SPG11: variants seen among roughly 807,000 people sequenced by gnomAD.
The protein encoded by SPG11 is SPG11 vesicle trafficking associated, spatacsin.
A neutral mutation model predicts 274.0 loss-of-function variants in SPG11; 222 were observed. The ratio of observed to expected loss-of-function variants is 0.81; its 90% CI spans 0.73 to 0.91. The LOEUF (loss-of-function observed/expected upper bound fraction) is 0.91. SPG11 is among the 40% of genes least tolerant of loss of function. The pLI is 0.00. For missense variants in SPG11, 3,114 were observed against 2,872.7 expected, an observed-to-expected ratio of 1.08 and a Z score of -1.92; for synonymous variants, 1,144 against 1,039.7, an observed-to-expected ratio of 1.10 and a Z score of -1.93.
At chr15:44,647,199 T>C (rs1479934884) in intron 7 of SPG11, among the ~76,000 whole-genome samples, 2 of 152,136 alleles carry the variant, frequency 1.3e-5, no homozygotes, top group African/African-American at 4.8e-5. Flanking sequence ...ATTAGGAAAA[T>C]ACAAATGAAA....
At position 44,589,405 on chromosome 15, in the gene SPG11, C is replaced by A. The variant is rs1567143067; in HGVS notation, c.4753G>T (p.Ala1585Ser). 1.2e-6 allele frequency: 2 copies of A among 1,613,908 alleles called. No homozygotes were observed. The highest frequency in any genetic ancestry group is 1.7e-6 in the Non-Finnish European group (2 of 1,179,918). Residue 1585 changes from alanine (A) to serine (S), a missense_variant, in exon 28 of 40, where the codon GCA becomes TCA. Coordinates refer to ENST00000261866, the MANE Select transcript of SPG11 (RefSeq NM_025137.4). ...ATGACAGGGTGGACCTTTGTGGCTG[C>A]TGTGTTAAGCTATGAAAGAAAAAGA... ...FQKSLETLNT[A>S]ATKVHPVIPA... is the part of the protein sequence containing the mutation.
chr15:44,583,700 G>T, intron 30 of SPG11, 114 bp downstream of exon 30: 1 of 1,405,112 alleles, frequency 7.1e-7, no homozygotes, highest in South Asian at 1.2e-5. Flanking sequence ...CTGGAAAAAA[G>T]TTGTTGTCCC....
At chr15:44,620,011 TGG>T (rs892322206) in intron 15 of SPG11, 177 bp downstream of exon 15, 1 of 619,056 alleles carries the variant, frequency 1.6e-6, no homozygotes, top group African/African-American at 1.8e-5. Flanking sequence ...CCACCGCACT[TGG>T]CCAAATGAGT....
intron 7 of SPG11, among the ~76,000 whole-genome samples, chr15:44,641,796 G>A (rs1236088134): frequency 6.6e-6 from 1 of 151,758 alleles, no homozygotes; most frequent in Non-Finnish European, 1.5e-5. Context: ...GAAAACTAGA[G>A]TATTATCAAT....
chr15:44,635,131 G>A (rs922261446), intron 7 of SPG11, among the ~76,000 whole-genome samples: 1 of 151,946 alleles, frequency 6.6e-6, no homozygotes, highest in African/African-American at 2.4e-5. Flanking sequence ...CAGGAGAATC[G>A]CTGGAACCCG....
At chr15:44,566,040 A>AG (rs1230530621) in intron 37 of SPG11, 31 bp from the exon 38 acceptor site, 1 of 1,612,852 alleles carries the variant, frequency 6.2e-7, no homozygotes, top group Admixed American at 1.7e-5. Context: ...GGCACAGTAG[A>AG]GAAAGACCTA....
chr15:44,590,049 C>T (rs1405461647), intron 27 of SPG11, among the ~76,000 whole-genome samples: 4 of 152,298 alleles, frequency 2.6e-5, no homozygotes, highest in South Asian at 2.1e-4. Flanking sequence ...CCTGATGATC[C>T]GCCTGCCTTG....
chr15:44,595,947 T>G (rs1201998666), intron 25 of SPG11, 136 bp downstream of exon 25: 1 of 1,170,360 alleles, frequency 8.5e-7, no homozygotes, highest in African/African-American at 1.5e-5. Context: ...GCACAAAATG[T>G]TGCAGTGAAC....
At chr15:44,659,030 G>C in intron 3 of SPG11, 49 bp downstream of exon 3, 1 of 1,558,624 alleles carries the variant, frequency 6.4e-7, no homozygotes, top group Non-Finnish European at 8.8e-7. Context: ...ATCTTTATAG[G>C]TGTTCTTCTC....
At chr15:44,629,165 T>C in intron 9 of SPG11, 68 bp downstream of exon 9, 4 of 1,547,602 alleles carry the variant, frequency 2.6e-6, no homozygotes, top group Non-Finnish European at 3.6e-6. Flanking sequence ...TGTCACCCAA[T>C]AGCAGCACTT....
intron 6 of SPG11, 109 bp from the exon 7 acceptor site, chr15:44,649,120 T>C: frequency 1.2e-6 from 1 of 828,792 alleles, no homozygotes. Flanking sequence ...ATTACAAATA[T>C]ATTTATATTT....
rs2084771878 is a variant in SPG11 at position 44,651,427 on chromosome 15, T to TA, written c.1456+63dup. On this transcript the variant is annotated intron_variant, in intron 6 of 39. Coordinates refer to ENST00000261866, the MANE Select transcript of SPG11 (RefSeq NM_025137.4). ...GCAAGAGCAGGCACTGAGGCAGAAGTAAAATACAGTAGGAAAGCATACATC... is the reference window on the plus strand; with the variant it reads ...GCAAGAGCAGGCACTGAGGCAGAAGTAAAAATACAGTAGGAAAGCATACATC... 2.1e-6 allele frequency: 3 copies of TA among 1,439,516 alleles called. No individual in the cohort carries two copies. In the South Asian group the frequency reaches 3.5e-5, roughly 17 times the overall value. 89.2% of individuals were successfully genotyped at this position (1,439,516 alleles called of 1,614,324 possible). A position where few individuals can be genotyped will look rare whatever the true frequency, so the allele number is the denominator to read the frequency against.
rs2082707991 is a variant in SPG11 at position 44,584,061 on chromosome 15, T to C, written c.5619A>G (p.Lys1873=). The C allele has an allele frequency of 6.2e-7, 1 of 1,614,264 alleles. No individual in the cohort carries two copies. The highest frequency in any genetic ancestry group is 8.5e-7 in the Non-Finnish European group (1 of 1,180,046). ...KETCENRLDW[K]EQESLNFLIG... is the part of the protein sequence containing the mutation. ...TCAAAAAGTTTAGTGACTCCTGCTC[T>C]TTCCAATCCAATCTATTCTCGCATG... The change falls in exon 30 of 40, where the codon AAA becomes AAG. Residue 1873 remains lysine, a synonymous_variant. Coordinates refer to ENST00000261866, the MANE Select transcript of SPG11 (RefSeq NM_025137.4).
intron 28 of SPG11, chr15:44,588,456 G>A (rs2082823758): frequency 6.5e-6 from 1 of 154,546 alleles, no homozygotes. Flanking sequence ...AGGGTGGTGG[G>A]AAAAATTGTA....
Position 44,589,410 on chromosome 15 carries a change from T to G in SPG11, c.4748A>C (p.Asn1583Thr), listed in dbSNP as rs1005256323. Reference sequence around the variant, plus strand: ...AGGGTGGACCTTTGTGGCTGCTGTGTTAAGCTATGAAAGAAAAAGAGAAGC... The same window carrying G: ...AGGGTGGACCTTTGTGGCTGCTGTGGTAAGCTATGAAAGAAAAAGAGAAGC... ...LEFQKSLETL[N>T]TAATKVHPVI... Residue 1583 changes from asparagine to threonine, a missense_variant, in exon 28 of 40, where the codon AAC becomes ACC. Coordinates refer to ENST00000261866, the MANE Select transcript of SPG11 (RefSeq NM_025137.4). 6.2e-7 allele frequency: 1 copy of G among 1,613,986 alleles called. No individual in the cohort carries two copies. The highest frequency in any genetic ancestry group is 1.3e-5 in the African/African-American group (1 of 74,944).
Position 44,598,280 on chromosome 15 carries a change from T to C in SPG11, c.3986A>G (p.Gln1329Arg), listed in dbSNP as rs2140976920. ...LEEGTWNSIQQQEIKRLSSES... is the reference protein window; with the variant it reads ...LEEGTWNSIQRQEIKRLSSES... ...ACTCACAAACCTCTTTATTTCCTGT[T>C]GCTGAATGCTGTTCCATGTACCTTC... The change falls in exon 23 of 40, where the codon CAA (glutamine) becomes CGA (arginine). Residue 1329 changes from glutamine to arginine, a missense_variant. Transcript: ENST00000261866. 2 of 1,613,590 alleles carry C rather than the reference T, an allele frequency of 1.2e-6. No individual in the cohort carries two copies. The highest frequency in any genetic ancestry group is 1.7e-6 in the Non-Finnish European group (2 of 1,179,502).
rs1186320389 is a variant in SPG11 at position 44,652,255 on chromosome 15, C to A, written c.881G>T (p.Gly294Val). Residue 294 changes from glycine to valine, a missense_variant, in exon 5 of 40, where the codon GGA (glycine) becomes GTA (valine). Gly to Val is a moderately radical substitution (Grantham distance 109). Transcript: ENST00000261866. ...NLNLYFRQHP[G>V]HLLCERILED... is the part of the protein sequence containing the mutation. ...TAGTATTCTTTCACACAGTAGGTGT[C>A]CTGGGTGTTGCCTACATTTAAAAAT... 1.9e-6 allele frequency: 3 copies of A among 1,614,038 alleles called. No homozygotes were observed. In the Admixed American group the frequency reaches 5.0e-5, roughly 27 times the overall value.
chr15:44,570,591 T>TC lies in SPG11; in HGVS notation c.6410dup (p.Val2138SerfsTer11). On this transcript the variant is annotated frameshift_variant, in exon 34 of 40. Coordinates refer to ENST00000261866, the MANE Select transcript of SPG11 (RefSeq NM_025137.4). LOFTEE classifies it high-confidence loss of function. ...TGAGCATGTGGGCGGCCTGTAGGAC[T>TC]CGGATGATGCCCTCCATGTGGCACG... 6.2e-7 allele frequency: 1 copy of TC among 1,614,126 alleles called. No homozygotes were observed. Among genetic ancestry groups the TC allele is most frequent in the Non-Finnish European group, 8.5e-7 (1 of 1,179,988 alleles).
chr15:44,663,582 C>T lies in SPG11; in HGVS notation c.66G>A (p.Met22Ile), dbSNP rs1168936368. ...CCAACAGCATCGGTAGAACCCGCCCCATGGCCGCGGTGCCCCAGCTACCGC... is the reference window on the plus strand; with the variant it reads ...CCAACAGCATCGGTAGAACCCGCCCTATGGCCGCGGTGCCCCAGCTACCGC... ...SAGGSWGTAA[M>I]GRVLPMLLVP... is the part of the protein sequence containing the mutation. The change falls in exon 1 of 40, where the codon ATG (methionine) becomes ATA (isoleucine). Residue 22 changes from methionine to isoleucine, a missense_variant. By Grantham distance (10) the Met-to-Ile change is conservative. Coordinates refer to ENST00000261866, the MANE Select transcript of SPG11 (RefSeq NM_025137.4). 1.5e-5 allele frequency: 24 copies of T among 1,596,808 alleles called. No individual in the cohort carries two copies. The highest frequency in any genetic ancestry group is 2.0e-5 in the Non-Finnish European group (23 of 1,174,380).
Sources: allele counts gnomAD v4.1 joint callset (sites outside exome capture counted in the v4.1 genomes callset), GRCh38; gene constraint gnomAD v4.1.1; transcripts MANE v1.5; gene names NCBI Gene and HGNC (gene_info 2026-07-23, HGNC 2026-07-21).